Variants in DOCK1 observed in about 807,000 individuals in gnomAD.
The protein encoded by DOCK1 is dedicator of cytokinesis protein 1.
In DOCK1, 138 loss-of-function variants were observed where a neutral mutation model predicts 262.7. The ratio of observed to expected loss-of-function variants is 0.53; its 90% CI spans 0.46 to 0.61. The LOEUF (loss-of-function observed/expected upper bound fraction) is 0.61, where lower values mean the gene tolerates loss of function less well. Ranked by LOEUF, DOCK1 falls within the 20% of genes least tolerant of loss-of-function variation. The pLI is 0.00. For missense variants in DOCK1, 1,908 were observed against 2,370.7 expected, an observed-to-expected ratio of 0.80 and a Z score of 4.05; for synonymous variants, 866 against 867.4, an observed-to-expected ratio of 1.00 and a Z score of 0.03.
At chr10:127,251,830 C>T (rs1350369727) in intron 28 of DOCK1, among the ~76,000 whole-genome samples, 12 of 142,860 alleles carry the variant, frequency 8.4e-5, no homozygotes, top group Middle Eastern at 3.6e-3. Flanking sequence ...TGAATAGTGC[C>T]ACAATAAACA....
At chr10:126,948,779 C>G (rs1393211986) in intron 1 of DOCK1, among the ~76,000 whole-genome samples, 5 of 152,082 alleles carry the variant, frequency 3.3e-5, no homozygotes, top group South Asian at 2.1e-4. Flanking sequence ...TCATTGTGAG[C>G]TGCTCTGATC....
intron 27 of DOCK1, among the ~76,000 whole-genome samples, chr10:127,241,120 C>T (rs142463439): frequency 2.0e-5 from 3 of 152,064 alleles, no homozygotes; most frequent in Non-Finnish European, 4.4e-5. Flanking sequence ...ATCAGGAGTT[C>T]GAGATCAGCC....
intron 38 of DOCK1, among the ~76,000 whole-genome samples, chr10:127,400,528 G>A (rs955231107): frequency 3.3e-5 from 5 of 152,318 alleles, no homozygotes; most frequent in Admixed American, 1.3e-4. Context: ...AAAAGGCCAC[G>A]CTGGGTCAAG....
At chr10:127,347,680 C>G (rs535058309) in intron 31 of DOCK1, among the ~76,000 whole-genome samples, 37 of 151,108 alleles carry the variant, frequency 2.4e-4, no homozygotes, top group Middle Eastern at 3.4e-3. Context: ...ATGCACCTGT[C>G]TGTTTCTCGG....
At chr10:127,236,162 C>T (rs964735894) in intron 27 of DOCK1, among the ~76,000 whole-genome samples, 1 of 152,046 alleles carries the variant, frequency 6.6e-6, no homozygotes, top group Non-Finnish European at 1.5e-5. Context: ...ATGTTTCATG[C>T]TTTTTGTATC....
At chr10:127,349,508 A>C (rs924671497) in intron 31 of DOCK1, among the ~76,000 whole-genome samples, 3 of 152,000 alleles carry the variant, frequency 2.0e-5, no homozygotes, top group Admixed American at 2.0e-4. Context: ...TTCACACTCT[A>C]TTCTCTTTCC....
At chr10:127,062,362 C>T (rs116316034) in intron 23 of DOCK1, among the ~76,000 whole-genome samples, 1,888 of 152,290 alleles carry the variant, frequency 0.012, 28 homozygotes, top group African/African-American at 0.034. Flanking sequence ...CATAGCATCA[C>T]CTTGAACATT....
chr10:127,175,461 T>C lies in DOCK1; in HGVS notation c.2847+47697T>C. The C allele has an allele frequency of 6.2e-7, 1 of 1,610,850 alleles. No individual in the cohort carries two copies. The highest frequency in any genetic ancestry group is 2.2e-5 in the East Asian group (1 of 44,868). On this transcript the variant is annotated intron_variant, in intron 27 of 51. Transcript: ENST00000623213. The surrounding 1 kb of genome is among the most constrained non-coding windows in gnomAD (Gnocchi z 6.3). ...CTCACTACATTCGGGGGACAGGCAC[T>C]GCATCGGGGGTGAGCAGGCCAGGGC...
chr10:127,407,832 AC>A (rs528825901), intron 40 of DOCK1, among the ~76,000 whole-genome samples: 2 of 151,346 alleles, frequency 1.3e-5, no homozygotes, highest in Non-Finnish European at 2.9e-5. Flanking sequence ...GGAAAGTGTT[AC>A]CCCCCCAACC....
intron 29 of DOCK1, among the ~76,000 whole-genome samples, chr10:127,286,467 T>A (rs941834764): frequency 1.3e-5 from 2 of 152,202 alleles, no homozygotes; most frequent in Non-Finnish European, 2.9e-5. Context: ...AAAACTTTCA[T>A]ACATGTACAG....
intron 27 of DOCK1, among the ~76,000 whole-genome samples, chr10:127,140,371 C>T (rs777866974): frequency 2.6e-4 from 39 of 152,146 alleles, no homozygotes; most frequent in Middle Eastern, 3.2e-3. Flanking sequence ...GAGGCAGGTT[C>T]CTTGGTAGAG....
At chr10:127,323,987 A>C (rs1474935602) in intron 29 of DOCK1, among the ~76,000 whole-genome samples, 1 of 152,236 alleles carries the variant, frequency 6.6e-6, no homozygotes, top group African/African-American at 2.4e-5. Context: ...GTGGAGCAGG[A>C]TGCTGCATAC....
chr10:126,972,782 C>G (rs1287070809), intron 2 of DOCK1, among the ~76,000 whole-genome samples: 1 of 151,856 alleles, frequency 6.6e-6, no homozygotes, highest in Non-Finnish European at 1.5e-5. Flanking sequence ...GCATGCTGTA[C>G]CTTCCCTAAA....
chr10:127,185,363 TA>T (rs2056132108), intron 27 of DOCK1, among the ~76,000 whole-genome samples: 1 of 152,124 alleles, frequency 6.6e-6, no homozygotes, highest in Non-Finnish European at 1.5e-5. Flanking sequence ...CCGTCTCTAC[TA>T]AAAATACAAA....
At chr10:127,207,846 C>T (rs148828304) in intron 27 of DOCK1, among the ~76,000 whole-genome samples, 196 of 152,256 alleles carry the variant, frequency 1.3e-3, no homozygotes, top group African/African-American at 4.1e-3. Flanking sequence ...AGATTTGGTC[C>T]ACAGGCTATA....
At chr10:127,363,166 A>G (rs2064690934) in intron 33 of DOCK1, among the ~76,000 whole-genome samples, 1 of 152,062 alleles carries the variant, frequency 6.6e-6, no homozygotes, top group Non-Finnish European at 1.5e-5. Flanking sequence ...GAGACCTGGG[A>G]GAAGCCCAAG....
At chr10:126,990,387 C>T in intron 5 of DOCK1, 68 bp from the exon 6 acceptor site, 1 of 1,468,210 alleles carries the variant, frequency 6.8e-7, no homozygotes, top group Non-Finnish European at 9.2e-7. Flanking sequence ...AAGAGATAGC[C>T]ATTCTCTACC....
In DOCK1 at chr10:127,451,354, G is replaced by A. The variant is rs1295844014; in HGVS notation, c.5588G>A (p.Ser1863Asn). Reference sequence around the variant, plus strand: ...TAGCATCTGCCACCTCCACTGCCCAGCAAAACTCCGCCTCCTCCCCCTCCA... The same window carrying A: ...TAGCATCTGCCACCTCCACTGCCCAACAAAACTCCGCCTCCTCCCCCTCCA... ...HQRHLPPPLP[S>N]KTPPPPPPKT... Residue 1863 changes from serine (S) to asparagine (N), a missense_variant, in exon 52 of 52, where the codon AGC becomes AAC. Transcript: ENST00000623213. 5 of 1,599,312 alleles carry A rather than the reference G, an allele frequency of 3.1e-6. No homozygotes were observed. The highest frequency in any genetic ancestry group is 1.7e-4 in the Middle Eastern group (1 of 6,044).
At chr10:127,240,077 A>G (rs2059211222) in intron 27 of DOCK1, among the ~76,000 whole-genome samples, 1 of 152,152 alleles carries the variant, frequency 6.6e-6, no homozygotes, top group Non-Finnish European at 1.5e-5. Context: ...CACTATAAAA[A>G]TGAAATCGAT....
Sources: gnomAD v4.1 joint callset for allele counts (sites outside exome capture counted in the v4.1 genomes callset) on GRCh38, gnomAD v4.1.1 for gene constraint, Gnocchi (gnomAD v3.1) non-coding constraint, MANE v1.5 for transcripts, NCBI Gene and HGNC (gene_info 2026-07-23, HGNC 2026-07-21) for gene names.